TIMP3: variants seen among roughly 807,000 people sequenced by gnomAD.
TIMP3 encodes the protein TIMP metallopeptidase inhibitor 3.
Under a neutral mutation model 30.0 loss-of-function variants are expected in TIMP3, and 11 were observed. The ratio of observed to expected loss-of-function variants is 0.37; its 90% confidence interval spans 0.23 to 0.61. The LOEUF is 0.61. TIMP3 is among the 20% of genes least tolerant of loss of function. The probability of loss-of-function intolerance (pLI) is 0.70; values close to 1 mark genes in which losing one functional copy is unlikely to be tolerated. For missense variants in TIMP3, 181 were observed against 276.8 expected (o/e 0.65, Z 2.45); for synonymous variants, 112 against 111.3 (o/e 1.01, Z -0.04).
In TIMP3 at chr22:32,860,352, T is replaced by G. The variant is rs1477431733; in HGVS notation, c.*975T>G. 1.3e-5 allele frequency: 2 copies of G among 152,664 alleles called. No individual in the cohort carries two copies. Among genetic ancestry groups the G allele is most frequent in the African/African-American group, 4.8e-5 (2 of 41,454 alleles). 9.5% of individuals were successfully genotyped at this position (152,664 alleles called of 1,614,324 possible). On this transcript the variant is annotated 3_prime_UTR_variant, in exon 5 of 5. Transcript: ENST00000266085. Reference sequence around the variant, plus strand: ...GAGGATACTATTTCCAGAATAGTGTTTAGCTCACCTAGGGGGATATGTTTG... The same window carrying G: ...GAGGATACTATTTCCAGAATAGTGTGTAGCTCACCTAGGGGGATATGTTTG...
At chr22:32,831,531 G>A (rs1254109180) in intron 1 of TIMP3, among the ~76,000 whole-genome samples, 1 of 152,172 alleles carries the variant, frequency 6.6e-6, no homozygotes, top group East Asian at 1.9e-4. Context: ...GTAAAGCCTG[G>A]TCCCCATGGA....
intron 1 of TIMP3, among the ~76,000 whole-genome samples, chr22:32,847,537 C>T (rs892889016): frequency 6.6e-6 from 1 of 152,142 alleles, no homozygotes; most frequent in Admixed American, 6.5e-5. Context: ...AGGGTAGGAT[C>T]CAAGCTCATT....
At chr22:32,843,423 T>C (rs2047970589) in intron 1 of TIMP3, among the ~76,000 whole-genome samples, 1 of 152,046 alleles carries the variant, frequency 6.6e-6, no homozygotes, top group South Asian at 2.1e-4. Flanking sequence ...CATTGTAGAG[T>C]GTCCAAGGTG....
At chr22:32,840,288 TAGTC>T (rs1260767365) in intron 1 of TIMP3, among the ~76,000 whole-genome samples, 2 of 152,294 alleles carry the variant, frequency 1.3e-5, no homozygotes, top group East Asian at 3.9e-4. Context: ...CGGAAAGAGT[TAGTC>T]AGGACAGGCT....
chr22:32,852,628 C>A (rs1466898706), intron 2 of TIMP3, among the ~76,000 whole-genome samples: 1 of 152,154 alleles, frequency 6.6e-6, no homozygotes. Flanking sequence ...CCCTGTCTGA[C>A]CTCTCTCTTC....
chr22:32,840,359 G>A (rs886940186), intron 1 of TIMP3, among the ~76,000 whole-genome samples: 2 of 152,124 alleles, frequency 1.3e-5, no homozygotes, highest in Non-Finnish European at 2.9e-5. Context: ...TGGCCTTGGC[G>A]TTGACATCAA....
chr22:32,839,598 T>A (rs2047836029), intron 1 of TIMP3, among the ~76,000 whole-genome samples: 1 of 152,190 alleles, frequency 6.6e-6, no homozygotes, highest in Admixed American at 6.5e-5. Flanking sequence ...TATCTGTACC[T>A]TTCTTCCAAA....
chr22:32,805,097 GAA>G (rs1440962124), intron 1 of TIMP3, among the ~76,000 whole-genome samples: 4 of 152,184 alleles, frequency 2.6e-5, no homozygotes, highest in Non-Finnish European at 5.9e-5. Context: ...TTGCAGCAGA[GAA>G]AGAGAATTTT....
chr22:32,841,160 C>A (rs937801779), intron 1 of TIMP3, among the ~76,000 whole-genome samples: 6 of 152,176 alleles, frequency 3.9e-5, no homozygotes, highest in Admixed American at 6.5e-5. Context: ...ATATGAGGTG[C>A]CTGTTATGTG....
chr22:32,861,098 G>C lies in TIMP3; in HGVS notation c.*1721G>C, dbSNP rs2048523499. 6.6e-6 allele frequency: 1 copy of C among 151,468 alleles called. No homozygotes were observed. Among genetic ancestry groups the C allele is most frequent in the Middle Eastern group, 3.4e-3 (1 of 294 alleles). 9.4% of individuals were successfully genotyped at this position (151,468 alleles called of 1,614,324 possible). ...CTCTGTCTCTTTTTTCAGCTTATGG[G>C]TATTTATCTTCTATTAGTATTTGTA... On this transcript the variant is annotated 3_prime_UTR_variant, in exon 5 of 5. Coordinates refer to ENST00000266085, the MANE Select transcript of TIMP3 (RefSeq NM_000362.5).
intron 1 of TIMP3, among the ~76,000 whole-genome samples, chr22:32,845,858 C>T (rs2048046383): frequency 6.6e-6 from 1 of 152,212 alleles, no homozygotes; most frequent in Non-Finnish European, 1.5e-5. Context: ...TTCCCTGTGG[C>T]CCCTGGGCCA....
chr22:32,843,010 A>G (rs1158076203), intron 1 of TIMP3, among the ~76,000 whole-genome samples: 2 of 152,148 alleles, frequency 1.3e-5, no homozygotes, highest in Non-Finnish European at 2.9e-5. Context: ...TAAAATTATG[A>G]ACTATTTTGC....
chr22:32,859,327 C>T lies in TIMP3; in HGVS notation c.586C>T (p.Arg196Ter), dbSNP rs764214887. Reference protein sequence around the residue: ...RQKGGYCSWYRGWAPPDKSII... With the variant: ...RQKGGYCSWY ...GAAGGGCGGCTACTGCAGCTGGTAC[C>T]GAGGATGGGCCCCCCCGGATAAAAG... Residue 196 changes from arginine (R) to a stop codon, truncating the protein, a stop_gained, in exon 5 of 5, where the codon CGA (arginine) becomes TGA (stop). Transcript: ENST00000266085. LOFTEE classifies it high-confidence loss of function. 5.6e-6 allele frequency: 9 copies of T among 1,613,792 alleles called. No homozygotes were observed. The highest frequency in any genetic ancestry group is 1.3e-5 in the African/African-American group (1 of 75,062).
intron 1 of TIMP3, among the ~76,000 whole-genome samples, chr22:32,843,955 G>T (rs570104632): frequency 6.6e-6 from 1 of 152,212 alleles, no homozygotes; most frequent in East Asian, 1.9e-4. Context: ...GGTGGCGGTG[G>T]TATCTCACCT....
intron 1 of TIMP3, among the ~76,000 whole-genome samples, chr22:32,805,191 C>T (rs548080158): frequency 2.0e-4 from 31 of 152,178 alleles, no homozygotes; most frequent in Admixed American, 2.6e-4. Context: ...GAAGTGTGTT[C>T]GGGGCCTGCC....
At chr22:32,857,102 A>G (rs2048390817) in intron 2 of TIMP3, 147 bp from the exon 3 acceptor site, 3 of 712,736 alleles carry the variant, frequency 4.2e-6, no homozygotes, top group Admixed American at 4.0e-5. Flanking sequence ...GCTATTGTGA[A>G]TATTGCTGCA....
rs886057435 is a variant in TIMP3 at position 32,859,589 on chromosome 22, C to CA, written c.*213dup. 2.3e-4 allele frequency: 134 copies of CA among 594,730 alleles called. No homozygotes were observed. Among genetic ancestry groups the CA allele is most frequent in the Non-Finnish European group, 5.7e-5 (20 of 349,760 alleles). The allele number at this position is 594,730 out of a possible 1,614,324, so 36.8% of individuals were successfully genotyped here. A position where few individuals can be genotyped will look rare whatever the true frequency, so the allele number is the denominator to read the frequency against. On this transcript the variant is annotated 3_prime_UTR_variant, in exon 5 of 5. Coordinates refer to ENST00000266085, the MANE Select transcript of TIMP3 (RefSeq NM_000362.5). Reference sequence around the variant, plus strand: ...TGCCCCTTCTTTTTGGTTTTGACATCATTCATTTCCACCTGGGAATTTCTG... The same window carrying CA: ...TGCCCCTTCTTTTTGGTTTTGACATCAATTCATTTCCACCTGGGAATTTCTG...
chr22:32,850,478 C>T (rs910421852), intron 2 of TIMP3, among the ~76,000 whole-genome samples: 1 of 152,134 alleles, frequency 6.6e-6, no homozygotes, highest in Non-Finnish European at 1.5e-5. Context: ...GGGGCTTCAC[C>T]TTGAATAACT....
At chr22:32,858,857 A>T (rs1381418537) in intron 4 of TIMP3, among the ~76,000 whole-genome samples, 1 of 152,072 alleles carries the variant, frequency 6.6e-6, no homozygotes, top group African/African-American at 2.4e-5. Context: ...AACAACTGAG[A>T]TCTCCCACCT....
Sources: allele counts gnomAD v4.1 joint callset (sites outside exome capture counted in the v4.1 genomes callset), GRCh38; gene constraint gnomAD v4.1.1; transcripts MANE v1.5; gene names NCBI Gene and HGNC (gene_info 2026-07-23, HGNC 2026-07-21).